AK5: variants seen among roughly 807,000 people sequenced by gnomAD.
AK5 encodes adenylate kinase 5, also known as adenylate kinase isoenzyme 5.
In AK5, 27 loss-of-function variants were observed where a neutral mutation model predicts 69.5. The ratio of observed to expected loss-of-function variants is 0.39; its 90% CI spans 0.29 to 0.54. The LOEUF is 0.54. Ranked by LOEUF, AK5 falls within the 20% of genes least tolerant of loss-of-function variation. AK5 has a pLI of 0.71. For synonymous variants in AK5, 260 were observed against 244.4 expected (o/e 1.06, Z -0.60); for missense variants, 531 against 700.4 (o/e 0.76, Z 2.73).
At chr1:77,379,046 C>A (rs561285123) in intron 6 of AK5, among the ~76,000 whole-genome samples, 76 of 152,254 alleles carry the variant, frequency 5.0e-4, no homozygotes, top group Middle Eastern at 3.4e-3. Flanking sequence ...GTTTCCTAAT[C>A]CTGCTCCCCA....
chr1:77,407,361 T>A lies in AK5; in HGVS notation c.892-3620T>A, dbSNP rs1189215332. Among the ~76,000 whole-genome samples the A allele has an allele frequency of 5.9e-5, 9 of 152,268 alleles. No individual in the cohort carries two copies. The East Asian group carries it at 1.7e-3, about 29-fold the overall frequency. On this transcript the variant is annotated intron_variant, in intron 6 of 13. Coordinates refer to ENST00000354567, the MANE Select transcript of AK5 (RefSeq NM_174858.3). Reference sequence around the variant, plus strand: ...CTAAGGATATAACAACATTGATGAATCTCAGAATAATAGTACTGAGTGAAA... The same window carrying A: ...CTAAGGATATAACAACATTGATGAAACTCAGAATAATAGTACTGAGTGAAA...
At position 77,483,377 on chromosome 1, in the gene AK5, A is replaced by G. The variant is rs773425590; in HGVS notation, c.1102+18A>G. 2.5e-6 allele frequency: 4 copies of G among 1,603,122 alleles called. No individual in the cohort carries two copies. Among genetic ancestry groups the G allele is most frequent in the Non-Finnish European group, 2.6e-6 (3 of 1,170,106 alleles). On this transcript the variant is annotated intron_variant, in intron 9 of 13. Coordinates refer to ENST00000354567, the MANE Select transcript of AK5 (RefSeq NM_174858.3). Reference sequence around the variant, plus strand: ...TATGGGAGGTGAGTTTTCCTTACTGATCAGATCAAAGTTGTCATTTTAGTA... The same window carrying G: ...TATGGGAGGTGAGTTTTCCTTACTGGTCAGATCAAAGTTGTCATTTTAGTA...
chr1:77,351,667 AG>A (rs1342389880), intron 6 of AK5, among the ~76,000 whole-genome samples: 1 of 152,144 alleles, frequency 6.6e-6, no homozygotes, highest in Non-Finnish European at 1.5e-5. Context: ...GGAAAGCAAA[AG>A]CTTTCCCATA....
intron 8 of AK5, among the ~76,000 whole-genome samples, chr1:77,441,822 C>T (rs1652346199): frequency 6.6e-6 from 1 of 152,042 alleles, no homozygotes; most frequent in South Asian, 2.1e-4. Context: ...GTTCTGTGCT[C>T]AAGATCTCTC....
intron 7 of AK5, among the ~76,000 whole-genome samples, chr1:77,415,388 C>A (rs995206580): frequency 6.6e-6 from 1 of 152,154 alleles, no homozygotes; most frequent in Non-Finnish European, 1.5e-5. Context: ...ATTTCATGTT[C>A]AGATCACAGT....
At chr1:77,516,656 G>T (rs1657661350) in intron 10 of AK5, among the ~76,000 whole-genome samples, 1 of 144,752 alleles carries the variant, frequency 6.9e-6, no homozygotes, top group Non-Finnish European at 1.5e-5. Flanking sequence ...AGTCTGTGTG[G>T]GCATAGGAGG....
rs183894041 is a variant in AK5 at position 77,329,629 on chromosome 1, T to G, written c.700-10748T>G. The stretch of plus-strand genomic sequence containing the variant: ...AGGGCAACTAGTGCAAGGACTACCT[T>G]TTCAGAAACAAAACCATTCCTTTGC... On this transcript the variant is annotated intron_variant, in intron 5 of 13. Coordinates refer to ENST00000354567, the MANE Select transcript of AK5 (RefSeq NM_174858.3). 2.2e-3 allele frequency among the ~76,000 whole-genome samples: 342 copies of G among 152,284 alleles called. 3 individuals carry two copies. The highest frequency in any genetic ancestry group is 7.8e-3 in the African/African-American group (323 of 41,548).
intron 13 of AK5, among the ~76,000 whole-genome samples, chr1:77,536,482 A>G (rs1379229454): frequency 6.6e-6 from 1 of 152,236 alleles, no homozygotes; most frequent in African/African-American, 2.4e-5. Flanking sequence ...AATTTGGACC[A>G]AATTATGAAT....
chr1:77,438,097 G>A (rs778018116), intron 8 of AK5, among the ~76,000 whole-genome samples: 3 of 151,914 alleles, frequency 2.0e-5, no homozygotes, highest in Non-Finnish European at 2.9e-5. Context: ...TAATTTGAAA[G>A]CCCTCTCTTT....
intron 6 of AK5, among the ~76,000 whole-genome samples, chr1:77,383,872 T>C (rs899091328): frequency 6.6e-6 from 1 of 151,270 alleles, no homozygotes; most frequent in Non-Finnish European, 1.5e-5. Flanking sequence ...ATATATGGGG[T>C]TTTTCAATTT....
chr1:77,283,743 G>GTTTTT, intron 1 of AK5: 3 of 497,074 alleles, frequency 6.0e-6, no homozygotes, highest in South Asian at 9.1e-5. Context: ...CTTAAGAGTT[G>GTTTTT]TTTTTTTTGT....
intron 6 of AK5, chr1:77,349,599 G>T (rs1297669555): frequency 6.6e-6 from 1 of 152,118 alleles, no homozygotes; most frequent in Non-Finnish European, 1.5e-5. Flanking sequence ...TTTTAGAAAA[G>T]AATAAATGGG....
chr1:77,433,864 TTTC>T (rs1651794872), intron 8 of AK5, among the ~76,000 whole-genome samples: 2 of 151,958 alleles, frequency 1.3e-5, no homozygotes, highest in South Asian at 4.1e-4. Flanking sequence ...AATTTATTAG[TTTC>T]TTCATTAGAG....
chr1:77,437,216 T>C (rs1652008291), intron 8 of AK5, among the ~76,000 whole-genome samples: 1 of 152,176 alleles, frequency 6.6e-6, no homozygotes, highest in African/African-American at 2.4e-5. Context: ...GTGGCTATTA[T>C]GTTTTTGATA....
At chr1:77,368,240 TATA>T (rs1458714439) in intron 6 of AK5, among the ~76,000 whole-genome samples, 5 of 3,478 alleles carry the variant, frequency 1.4e-3, no homozygotes, top group African/African-American at 1.5e-3. Context: ...TATATATATA[TATA>T]TATATATATA....
intron 6 of AK5, among the ~76,000 whole-genome samples, chr1:77,400,135 C>T (rs563536736): frequency 2.5e-4 from 38 of 152,254 alleles, no homozygotes. Flanking sequence ...TGCATCTGGA[C>T]CTGGCTTGGC....
At chr1:77,351,409 A>T (rs1215616168) in intron 6 of AK5, among the ~76,000 whole-genome samples, 2 of 152,142 alleles carry the variant, frequency 1.3e-5, no homozygotes, top group African/African-American at 4.8e-5. Flanking sequence ...TAAATAAATA[A>T]ATATATGAAT....
chr1:77,336,575 G>A (rs1661372727), intron 5 of AK5, among the ~76,000 whole-genome samples: 1 of 152,006 alleles, frequency 6.6e-6, no homozygotes. Context: ...TTTCTACTTA[G>A]GATAAAAGTA....
chr1:77,500,768 C>T (rs1334443673), intron 10 of AK5, among the ~76,000 whole-genome samples: 1 of 152,070 alleles, frequency 6.6e-6, no homozygotes, highest in South Asian at 2.1e-4. Context: ...GGCAACAGAG[C>T]GAGACTCCAT....
Sources: allele counts gnomAD v4.1 joint callset (sites outside exome capture counted in the v4.1 genomes callset), GRCh38; gene constraint gnomAD v4.1.1; transcripts MANE v1.5; gene names NCBI Gene and HGNC (gene_info 2026-07-23, HGNC 2026-07-21).